CADM2: variants seen among roughly 807,000 people sequenced by gnomAD.
CADM2 encodes cell adhesion molecule 2.
CADM2 carries 12 observed loss-of-function variants against 49.8 expected under a neutral mutation model. The observed-to-expected ratio is 0.24, with a 90% CI of 0.15 to 0.39. The LOEUF (loss-of-function observed/expected upper bound fraction) is 0.39, where lower values mean the gene tolerates loss of function less well. Among genes scored for constraint, CADM2 ranks in the 10% least tolerant of loss-of-function variants. CADM2 has a pLI of 1.00. For missense variants in CADM2, 378 were observed against 492.3 expected (o/e 0.77, Z 2.20); for synonymous variants, 214 against 175.4 (o/e 1.22, Z -1.74).
intron 1 of CADM2, among the ~76,000 whole-genome samples, chr3:85,199,870 A>G (rs2041448889): frequency 6.6e-6 from 1 of 152,076 alleles, no homozygotes; most frequent in Non-Finnish European, 1.5e-5. Context: ...GAAAGAATCA[A>G]TGACATTGTA....
At chr3:85,390,084 TA>T (rs1456457753) in intron 1 of CADM2, among the ~76,000 whole-genome samples, 1 of 151,914 alleles carries the variant, frequency 6.6e-6, no homozygotes, top group Non-Finnish European at 1.5e-5. Flanking sequence ...AAAAACACAA[TA>T]AAAAACAAAT....
chr3:85,832,028 A>G (rs565183191), intron 3 of CADM2, among the ~76,000 whole-genome samples: 1 of 152,104 alleles, frequency 6.6e-6, no homozygotes, highest in Admixed American at 6.6e-5. Context: ...GTAGGGGTTC[A>G]GTTTCACTCT....
intron 1 of CADM2, among the ~76,000 whole-genome samples, chr3:85,365,487 A>G (rs1437817381): frequency 6.6e-6 from 1 of 152,130 alleles, no homozygotes; most frequent in African/African-American, 2.4e-5. Flanking sequence ...TCTGTTAGTA[A>G]TAGCCTTGGT....
At chr3:86,065,313 G>A (rs775524842) in intron 8 of CADM2, among the ~76,000 whole-genome samples, 8 of 152,154 alleles carry the variant, frequency 5.3e-5, no homozygotes, top group Non-Finnish European at 8.8e-5. Context: ...TTCAGATGGA[G>A]GTGAGGAGGA....
intron 1 of CADM2, among the ~76,000 whole-genome samples, chr3:85,157,574 A>G (rs2040171496): frequency 6.6e-6 from 1 of 152,196 alleles, no homozygotes; most frequent in Non-Finnish European, 1.5e-5. Context: ...AACCTGAGAA[A>G]AACAAGCATT....
intron 1 of CADM2, among the ~76,000 whole-genome samples, chr3:85,293,433 T>C (rs1368340000): frequency 1.4e-5 from 2 of 141,500 alleles, no homozygotes; most frequent in Admixed American, 1.4e-4. Flanking sequence ...CCCTAACTCA[T>C]TTTATGAGGC....
intron 1 of CADM2, among the ~76,000 whole-genome samples, chr3:85,097,260 T>C (rs1323574131): frequency 6.6e-6 from 1 of 152,192 alleles, no homozygotes; most frequent in Non-Finnish European, 1.5e-5. Context: ...TTTGGTTTTT[T>C]GTCCTTGTGA....
intron 1 of CADM2, among the ~76,000 whole-genome samples, chr3:85,706,694 T>C (rs1177378142): frequency 6.6e-6 from 1 of 152,152 alleles, no homozygotes; most frequent in Non-Finnish European, 1.5e-5. Flanking sequence ...AATAACTGAA[T>C]AAGCAATTTA....
intron 1 of CADM2, among the ~76,000 whole-genome samples, chr3:85,454,267 G>A (rs2037887565): frequency 6.6e-6 from 1 of 152,046 alleles, no homozygotes; most frequent in Admixed American, 6.6e-5. Context: ...GGAGGTGGAG[G>A]TTGCAGTGAG....
At chr3:85,492,848 C>A (rs955064454) in intron 1 of CADM2, among the ~76,000 whole-genome samples, 10 of 152,036 alleles carry the variant, frequency 6.6e-5, no homozygotes, top group African/African-American at 2.2e-4. Context: ...GTCATCTGAG[C>A]ACAAGACAGA....
At chr3:85,499,154 A>G (rs577443486) in intron 1 of CADM2, among the ~76,000 whole-genome samples, 2 of 152,298 alleles carry the variant, frequency 1.3e-5, no homozygotes, top group South Asian at 4.1e-4. Flanking sequence ...AACAACAACA[A>G]TTACAATGAA....
chr3:86,017,457 C>A (rs990324290), intron 8 of CADM2, among the ~76,000 whole-genome samples: 1 of 151,528 alleles, frequency 6.6e-6, no homozygotes, highest in African/African-American at 2.4e-5. Context: ...TTTGGCTGGT[C>A]ATGGTGGCAC....
chr3:84,980,827 A>G (rs1269765847), intron 1 of CADM2, among the ~76,000 whole-genome samples: 1 of 152,176 alleles, frequency 6.6e-6, no homozygotes, highest in Non-Finnish European at 1.5e-5. Flanking sequence ...CTCATATCAG[A>G]TCTAAAATCT....
chr3:86,016,610 G>A (rs957866834), intron 8 of CADM2, among the ~76,000 whole-genome samples: 3 of 152,044 alleles, frequency 2.0e-5, no homozygotes, highest in Non-Finnish European at 4.4e-5. Context: ...ATCCTTCTCT[G>A]CGGAAGTTTC....
chr3:85,154,340 C>T (rs563678267), intron 1 of CADM2, among the ~76,000 whole-genome samples: 49 of 151,752 alleles, frequency 3.2e-4, no homozygotes, highest in Non-Finnish European at 5.9e-4. Context: ...AGGGTATCAG[C>T]GATGGAAGAT....
intron 1 of CADM2, among the ~76,000 whole-genome samples, chr3:85,309,210 T>C (rs2044284998): frequency 6.6e-6 from 1 of 152,174 alleles, no homozygotes; most frequent in Non-Finnish European, 1.5e-5. Flanking sequence ...CTAAATACGC[T>C]TCTTCTGAAG....
At chr3:85,706,835 G>C (rs1460499810) in intron 1 of CADM2, among the ~76,000 whole-genome samples, 1 of 151,884 alleles carries the variant, frequency 6.6e-6, no homozygotes, top group Non-Finnish European at 1.5e-5. Context: ...TGTTAAATAA[G>C]AATAAAGAAA....
intron 1 of CADM2, among the ~76,000 whole-genome samples, chr3:85,606,560 T>C (rs1011273744): frequency 2.0e-5 from 3 of 152,126 alleles, no homozygotes; most frequent in Non-Finnish European, 4.4e-5. Flanking sequence ...TCTACACTCC[T>C]AGAAGCAGGT....
At chr3:85,507,718 T>C (rs1433053687) in intron 1 of CADM2, among the ~76,000 whole-genome samples, 1 of 152,196 alleles carries the variant, frequency 6.6e-6, no homozygotes, top group African/African-American at 2.4e-5. Context: ...TAAACTTTTG[T>C]GCTCCTCAGC....
Sources: gnomAD v4.1 joint callset for allele counts (sites outside exome capture counted in the v4.1 genomes callset) on GRCh38, gnomAD v4.1.1 for gene constraint, MANE v1.5 for transcripts, NCBI Gene and HGNC (gene_info 2026-07-23, HGNC 2026-07-21) for gene names.